Variants in NCKAP5 observed in about 807,000 individuals in gnomAD.
The protein encoded by NCKAP5 is NCK associated protein 5, also known as nck-associated protein 5.
Under a neutral mutation model 167.0 loss-of-function variants are expected in NCKAP5, and 92 were observed. That is an observed-to-expected ratio of 0.55 (90% confidence interval 0.47 to 0.66). The LOEUF is 0.66. Among genes scored for constraint, NCKAP5 ranks in the 30% least tolerant of loss-of-function variants. NCKAP5 has a pLI of 0.00. For missense variants in NCKAP5, 2,378 were observed against 2,315.0 expected (o/e 1.03, Z -0.56); for synonymous variants, 891 against 877.4 (o/e 1.02, Z -0.27).
intron 9 of NCKAP5, among the ~76,000 whole-genome samples, chr2:132,872,340 A>G (rs1486166088): frequency 1.3e-5 from 2 of 152,142 alleles, no homozygotes; most frequent in Non-Finnish European, 2.9e-5. Flanking sequence ...CTCCTCTAAC[A>G]CATGGCTGAT....
chr2:133,005,743 A>C (rs188105554), intron 6 of NCKAP5, among the ~76,000 whole-genome samples: 1 of 152,294 alleles, frequency 6.6e-6, no homozygotes, highest in East Asian at 1.9e-4. Context: ...GGCTGAATTT[A>C]TTATTGGCCC....
rs1055433356 is a variant in NCKAP5 at position 133,213,046 on chromosome 2, G to A, written c.207+670C>T. Reference sequence around the variant, plus strand: ...AAAATAAATCTGGTGCTGTATTTTCGTTTCAGAAGTAGCAACAGCAGTTAC... The same window carrying A: ...AAAATAAATCTGGTGCTGTATTTTCATTTCAGAAGTAGCAACAGCAGTTAC... On this transcript the variant is annotated intron_variant, in intron 5 of 19. Transcript: ENST00000409261. Among the ~76,000 whole-genome samples the A allele has an allele frequency of 7.2e-5, 11 of 152,158 alleles. No homozygotes were observed. The East Asian group carries it at 7.7e-4, about 11-fold the overall frequency.
chr2:133,561,810 CAT>C (rs1236257159), intron 1 of NCKAP5, among the ~76,000 whole-genome samples: 9 of 152,128 alleles, frequency 5.9e-5, no homozygotes, highest in Non-Finnish European at 1.3e-4. Context: ...TTATATTTGA[CAT>C]ATATGTCAAC....
chr2:132,727,172 C>A (rs941055467), intron 18 of NCKAP5, among the ~76,000 whole-genome samples: 1 of 152,106 alleles, frequency 6.6e-6, no homozygotes, highest in African/African-American at 2.4e-5. Context: ...GGATGTATGT[C>A]TTATGTGAGG....
intron 3 of NCKAP5, among the ~76,000 whole-genome samples, chr2:133,463,632 C>G (rs1205761110): frequency 6.6e-6 from 1 of 152,214 alleles, no homozygotes; most frequent in African/African-American, 2.4e-5. Context: ...GCCCAAAGCC[C>G]TGAGATACTT....
intron 3 of NCKAP5, among the ~76,000 whole-genome samples, chr2:133,488,091 A>T (rs1199556349): frequency 2.0e-5 from 3 of 152,238 alleles, no homozygotes. Context: ...TCTCAAATGG[A>T]GACAGAAATG....
chr2:132,746,250 C>T (rs1484983709), intron 16 of NCKAP5, among the ~76,000 whole-genome samples: 2 of 151,988 alleles, frequency 1.3e-5, no homozygotes, highest in South Asian at 2.1e-4. Flanking sequence ...AATAGACTCA[C>T]ACATATATTT....
intron 4 of NCKAP5, among the ~76,000 whole-genome samples, chr2:133,261,623 C>T (rs779203661): frequency 6.6e-6 from 1 of 152,138 alleles, no homozygotes; most frequent in African/African-American, 2.4e-5. Flanking sequence ...TCCCTTGCAG[C>T]CCAAGCACAG....
rs577601718 is a variant in NCKAP5 at position 132,884,121 on chromosome 2, G to T, written c.580-5205C>A. 3.3e-5 allele frequency among the ~76,000 whole-genome samples: 5 copies of T among 152,280 alleles called. No individual in the cohort carries two copies. The South Asian group carries it at 1.0e-3, about 32-fold the overall frequency. On this transcript the variant is annotated intron_variant, in intron 8 of 19. Coordinates refer to ENST00000409261, the MANE Select transcript of NCKAP5 (RefSeq NM_207363.3). Reference sequence around the variant, plus strand: ...TTGGCTTTGACCTTGTTGCTCTGGGGCTGAATCCGTTTTAACAAACCTGTG... The same window carrying T: ...TTGGCTTTGACCTTGTTGCTCTGGGTCTGAATCCGTTTTAACAAACCTGTG...
intron 3 of NCKAP5, among the ~76,000 whole-genome samples, chr2:133,332,256 A>T (rs1682907042): frequency 6.6e-6 from 1 of 152,170 alleles, no homozygotes; most frequent in Non-Finnish European, 1.5e-5. Flanking sequence ...GCTAAAGAAA[A>T]CTGCCTTATA....
intron 6 of NCKAP5, 121 bp downstream of exon 6, chr2:133,129,857 G>A: frequency 1.7e-6 from 2 of 1,178,550 alleles, no homozygotes; most frequent in Non-Finnish European, 2.3e-6. Context: ...AGGTCTAAAT[G>A]GTTGGTAAAT....
At chr2:133,612,863 G>A in the NCKAP5 span, among the ~76,000 whole-genome samples, 27 of 152,266 alleles carry the variant, frequency 1.8e-4, no homozygotes, top group South Asian at 4.3e-3. Flanking sequence ...TCTTAAGCGC[G>A]GTTTGCTGAA....
chr2:133,654,003 G>C, the NCKAP5 span, among the ~76,000 whole-genome samples: 1 of 152,004 alleles, frequency 6.6e-6, no homozygotes, highest in African/African-American at 2.4e-5. Flanking sequence ...ATATTGGTGG[G>C]GTAAGGTATT....
chr2:133,191,810 C>A (rs954970761), intron 5 of NCKAP5, among the ~76,000 whole-genome samples: 4 of 151,882 alleles, frequency 2.6e-5, no homozygotes, highest in Admixed American at 6.6e-5. Flanking sequence ...AGGAGATATA[C>A]CTAATGTAAA....
intron 11 of NCKAP5, among the ~76,000 whole-genome samples, chr2:132,809,306 C>T (rs1383714549): frequency 6.6e-6 from 1 of 151,996 alleles, no homozygotes; most frequent in Non-Finnish European, 1.5e-5. Context: ...GTATAGTTTA[C>T]ATCCATTGTT....
chr2:133,045,222 T>C (rs1466034902), intron 6 of NCKAP5, among the ~76,000 whole-genome samples: 2 of 152,088 alleles, frequency 1.3e-5, no homozygotes, highest in Admixed American at 6.6e-5. Flanking sequence ...AAAAATGTGC[T>C]ATCTCCATAA....
chr2:133,219,019 A>G (rs1041815616), intron 4 of NCKAP5, among the ~76,000 whole-genome samples: 2 of 152,256 alleles, frequency 1.3e-5, no homozygotes, highest in African/African-American at 2.4e-5. Flanking sequence ...AAGGAACAAA[A>G]TGAATGAATC....
intron 3 of NCKAP5, among the ~76,000 whole-genome samples, chr2:133,462,591 AGAT>A (rs1692271164): frequency 6.6e-6 from 1 of 152,232 alleles, no homozygotes; most frequent in Non-Finnish European, 1.5e-5. Flanking sequence ...CATCACAAGT[AGAT>A]GAGAACTAGC....
intron 3 of NCKAP5, among the ~76,000 whole-genome samples, chr2:133,419,929 C>T (rs1242507272): frequency 6.6e-6 from 1 of 152,174 alleles, no homozygotes; most frequent in African/African-American, 2.4e-5. Context: ...GTTTATTTTA[C>T]TCACTTTTGC....
Sources: allele counts gnomAD v4.1 joint callset (sites outside exome capture counted in the v4.1 genomes callset), GRCh38; gene constraint gnomAD v4.1.1; transcripts MANE v1.5; gene names NCBI Gene and HGNC (gene_info 2026-07-23, HGNC 2026-07-21).